The following ST6GALNAC2 variants were observed in gnomAD, a reference collection of about 807,000 sequenced individuals.
The protein encoded by ST6GALNAC2 is ST6 N-acetylgalactosaminide alpha-2,6-sialyltransferase 2.
A neutral mutation model predicts 38.7 loss-of-function variants in ST6GALNAC2; 42 were observed. The ratio of observed to expected loss-of-function variants is 1.09; its 90% CI spans 0.85 to 1.40. ST6GALNAC2 has a LOEUF of 1.40. Ranked by LOEUF, ST6GALNAC2 falls within the 40% of genes most tolerant of loss-of-function variation. The pLI, the probability that ST6GALNAC2 is intolerant of heterozygous loss-of-function variation, is 0.00. For missense variants in ST6GALNAC2, 506 were observed against 481.7 expected (o/e 1.05, Z -0.47); for synonymous variants, 233 against 209.0 (o/e 1.11, Z -0.99).
At chr17:76,578,640 G>T (rs75438984) in intron 2 of ST6GALNAC2, 116 bp downstream of exon 2, 1 of 965,208 alleles carries the variant, frequency 1.0e-6, no homozygotes, top group Non-Finnish European at 1.6e-6. Flanking sequence ...AACTTAGGGC[G>T]TTCCAAAGAG....
chr17:76,573,206 G>A lies in ST6GALNAC2; in HGVS notation c.519C>T (p.Asp173=). Residue 173 remains aspartate (D), a synonymous_variant, in exon 4 of 9, where the codon GAC becomes GAT. Coordinates refer to ENST00000225276, the MANE Select transcript of ST6GALNAC2 (RefSeq NM_006456.3). This position sits in a 1 kb window ranked among gnomAD's most constrained non-coding sequence, Gnocchi z 5.1. The part of the protein sequence containing the change: ...SRQGPNIDAH[D]YVFRLNGAVI... ...CCTACCCCTCATACCTGAATACATA[G>A]TCATGGGCATCGATGTTGGGACCCT... 6.2e-7 allele frequency: 1 copy of A among 1,610,050 alleles called. No individual in the cohort carries two copies. The highest frequency in any genetic ancestry group is 8.5e-7 in the Non-Finnish European group (1 of 1,177,734).
chr17:76,573,159 T>TGCCAC lies in ST6GALNAC2; in HGVS notation c.530+35_530+36insGTGGC. On this transcript the variant is annotated intron_variant, in intron 4 of 8. Transcript: ENST00000225276. The surrounding 1 kb of genome is among the most constrained non-coding windows in gnomAD (Gnocchi z 5.1). ...GACACCCCCACCCTCCAGGCAACTC[T>TGCCAC]CCCTCCCGCCCCTCCCCAGCTCCTA... The TGCCAC allele has an allele frequency of 1.3e-6, 2 of 1,530,320 alleles. No individual in the cohort carries two copies. Among genetic ancestry groups the TGCCAC allele is most frequent in the Non-Finnish European group, 1.8e-6 (2 of 1,120,828 alleles). 94.8% of individuals were successfully genotyped at this position (1,530,320 alleles called of 1,614,324 possible).
At chr17:76,575,929 C>T (rs1362517577) in intron 2 of ST6GALNAC2, among the ~76,000 whole-genome samples, 2 of 152,222 alleles carry the variant, frequency 1.3e-5, no homozygotes, top group African/African-American at 4.8e-5. Flanking sequence ...TATCACCATG[C>T]TATGCAAAGC....
Position 76,578,767 on chromosome 17 carries a change from A to C in ST6GALNAC2, c.175T>G (p.Trp59Gly). The part of the protein sequence containing the change: ...AFFQSKASNS[W>G]TGKGQACRHL... ...GTCGACCACTCTACCTTTCCTGTCC[A>C]AGAATTCGATGCCTTGGATTGAAAG... is the stretch of plus-strand genomic sequence containing the variant. Residue 59 changes from tryptophan (W) to glycine (G), a missense_variant, in exon 2 of 9, where the codon TGG becomes GGG. Coordinates refer to ENST00000225276, the MANE Select transcript of ST6GALNAC2 (RefSeq NM_006456.3). 6.2e-7 allele frequency: 1 copy of C among 1,613,516 alleles called. No individual in the cohort carries two copies. The highest frequency in any genetic ancestry group is 8.5e-7 in the Non-Finnish European group (1 of 1,179,802).
intron 2 of ST6GALNAC2, among the ~76,000 whole-genome samples, chr17:76,577,040 C>T (rs1247199913): frequency 2.1e-5 from 3 of 143,240 alleles, no homozygotes; most frequent in African/African-American, 7.8e-5. Flanking sequence ...CTTGTTGGAA[C>T]AAATTAACAA....
Position 76,566,298 on chromosome 17 carries a change from T to TA in ST6GALNAC2, c.958-28dup, listed in dbSNP as rs747727918. The TA allele has an allele frequency of 3.1e-5, 50 of 1,612,546 alleles. No individual in the cohort carries two copies. In the African/African-American group the frequency reaches 6.5e-4, roughly 21 times the overall value. On this transcript the variant is annotated intron_variant, in intron 8 of 8. Coordinates refer to ENST00000225276, the MANE Select transcript of ST6GALNAC2 (RefSeq NM_006456.3). ...TGGGCAAGGATAGTCGCTGGATTAG[T>TA]ATTTGTTGAGCGTCTAGTGTGTACA...
At chr17:76,585,657 T>TC in intron 1 of ST6GALNAC2, 27 bp downstream of exon 1, 1 of 1,509,124 alleles carries the variant, frequency 6.6e-7, no homozygotes, top group Non-Finnish European at 8.8e-7. Flanking sequence ...CCCTGCGCCC[T>TC]CCCGCTCTGC....
At position 76,566,108 on chromosome 17, in the gene ST6GALNAC2, C is replaced by A. The variant is rs142493154; in HGVS notation, c.1121G>T (p.Arg374Leu). 3.7e-6 allele frequency: 6 copies of A among 1,613,636 alleles called. No homozygotes were observed. In the African/African-American group the frequency reaches 6.7e-5, roughly 18 times the overall value. Reference sequence around the variant, plus strand: ...AAAGGGCTCAGTGCATTGGGGTCAGCGCTGGTACAGCTGAAGGATGCCGGC... The same window carrying A: ...AAAGGGCTCAGTGCATTGGGGTCAGAGCTGGTACAGCTGAAGGATGCCGGC... The part of the protein sequence containing the change: ...HKAGILQLYQ[R>L] The change falls in exon 9 of 9, where the codon CGC becomes CTC. Residue 374 changes from arginine to leucine, a missense_variant. Physicochemically the swap from Arg to Leu is moderately radical, Grantham distance 102 (BLOSUM62 -2). Transcript: ENST00000225276.
In ST6GALNAC2 at chr17:76,578,586, T is replaced by C. The variant is rs576711162; in HGVS notation, c.186+170A>G. 1.1e-4 allele frequency among the ~76,000 whole-genome samples: 16 copies of C among 152,242 alleles called. No individual in the cohort carries two copies. The South Asian group carries it at 3.1e-3, about 30-fold the overall frequency. ...TGCTGTTGGGCCACAAGAAACCCTA[T>C]TGGTCAGGTCTGAGAGGCCCTGAAG... On this transcript the variant is annotated intron_variant, in intron 2 of 8. Coordinates refer to ENST00000225276, the MANE Select transcript of ST6GALNAC2 (RefSeq NM_006456.3).
At chr17:76,577,450 T>C (rs16967307) in intron 2 of ST6GALNAC2, among the ~76,000 whole-genome samples, 15,430 of 152,010 alleles carry the variant, frequency 0.1, 908 homozygotes, top group Middle Eastern at 0.16. Flanking sequence ...CAGTTAGCAA[T>C]GAACAGCTCA....
intron 2 of ST6GALNAC2, among the ~76,000 whole-genome samples, chr17:76,576,014 C>T (rs935085815): frequency 2.6e-5 from 4 of 152,132 alleles, no homozygotes; most frequent in African/African-American, 4.8e-5. Flanking sequence ...GAGGTCAAGG[C>T]GGGAGGATAA....
At chr17:76,567,846 C>G in intron 7 of ST6GALNAC2, 1 of 341,482 alleles carries the variant, frequency 2.9e-6, no homozygotes, top group Non-Finnish European at 5.6e-6. Context: ...TTTATTTAGC[C>G]TGAGACTGCA....
At chr17:76,579,419 C>T (rs1165337771) in intron 1 of ST6GALNAC2, among the ~76,000 whole-genome samples, 2 of 152,214 alleles carry the variant, frequency 1.3e-5, no homozygotes, top group Admixed American at 1.3e-4. Context: ...GAACTGTGAC[C>T]ATCTGAAGGA....
At chr17:76,578,314 C>G (rs1002852979) in intron 2 of ST6GALNAC2, among the ~76,000 whole-genome samples, 2 of 152,178 alleles carry the variant, frequency 1.3e-5, no homozygotes, top group Non-Finnish European at 2.9e-5. Flanking sequence ...AAAATTAATG[C>G]TGTCTGTTAC....
intron 1 of ST6GALNAC2, among the ~76,000 whole-genome samples, chr17:76,581,995 G>A (rs917876001): frequency 2.0e-5 from 3 of 151,848 alleles, no homozygotes; most frequent in Non-Finnish European, 4.4e-5. Context: ...AGCTTCCCAA[G>A]TAGCTGGGAC....
At chr17:76,568,277 C>T in intron 7 of ST6GALNAC2, 1 of 202,296 alleles carries the variant, frequency 4.9e-6, no homozygotes, top group South Asian at 8.4e-5. Context: ...CAGACGAGGA[C>T]CATATGCACA....
intron 2 of ST6GALNAC2, among the ~76,000 whole-genome samples, chr17:76,578,552 A>G (rs1432728740): frequency 6.6e-6 from 1 of 152,124 alleles, no homozygotes; most frequent in Admixed American, 6.5e-5. Flanking sequence ...ATATTTATTC[A>G]TCCTTCTCTG....
chr17:76,566,956 A>G (rs538127195), intron 8 of ST6GALNAC2, among the ~76,000 whole-genome samples: 8 of 152,174 alleles, frequency 5.3e-5, no homozygotes, highest in Non-Finnish European at 1.0e-4. Context: ...CCCTGCCTCC[A>G]TGAGCTTCAC....
intron 2 of ST6GALNAC2, 119 bp from the exon 3 acceptor site, chr17:76,574,658 A>T: frequency 1.3e-6 from 1 of 763,026 alleles, no homozygotes; most frequent in Non-Finnish European, 2.0e-6. Context: ...TCCCCTCCAG[A>T]TTGGGGCCAT....
Sources: allele counts gnomAD v4.1 joint callset (sites outside exome capture counted in the v4.1 genomes callset), GRCh38; gene constraint gnomAD v4.1.1; non-coding constraint Gnocchi (gnomAD v3.1); transcripts MANE v1.5; gene names NCBI Gene and HGNC (gene_info 2026-07-23, HGNC 2026-07-21).